Variants in ABCF2 observed in about 807,000 individuals in gnomAD.
ABCF2 encodes the protein ATP binding cassette subfamily F member 2.
In ABCF2, 37 loss-of-function variants were observed where a neutral mutation model predicts 76.9. The observed-to-expected ratio is 0.48, with a 90% CI of 0.37 to 0.63. The LOEUF (loss-of-function observed/expected upper bound fraction) is 0.63, where lower values mean the gene tolerates loss of function less well. ABCF2 is among the 30% of genes least tolerant of loss of function. ABCF2 has a pLI of 0.00. For synonymous variants in ABCF2, 299 were observed against 283.7 expected (o/e 1.05, Z -0.54); for missense variants, 524 against 782.1 (o/e 0.67, Z 3.94).
intron 1 of ABCF2, 22 bp downstream of exon 1, chr7:151,227,141 A>C (rs1802391195): frequency 6.6e-6 from 1 of 151,730 alleles, no homozygotes; most frequent in South Asian, 2.1e-4. Flanking sequence ...CTCTCCCTAC[A>C]GCTCCCCTTC....
rs374548198 is a variant in ABCF2, at chr7:151,214,954, G to A, written c.1659C>T (p.Asp553=). 6.8e-5 allele frequency: 110 copies of A among 1,614,064 alleles called. No individual in the cohort carries two copies. Among genetic ancestry groups the A allele is most frequent in the Admixed American group, 1.2e-4 (7 of 60,006 alleles). The part of the protein sequence containing the change: ...PTNHLDIETI[D]ALADAINEFE... The stretch of plus-strand genomic sequence containing the variant: ...ACTCATTGATGGCATCTGCCAGGGC[G>A]TCGATGGTCTCGATATCCAGGTGAT... Residue 553 remains aspartate (D), a synonymous_variant, in exon 14 of 15, where the codon GAC becomes GAT. Transcript: ENST00000287844. The surrounding 1 kb of genome is among the most constrained non-coding windows in gnomAD (Gnocchi z 4.9).
Position 151,213,661 on chromosome 7 carries a change from G to A in ABCF2, c.*393C>T, listed in dbSNP as rs1318276043. On this transcript the variant is annotated 3_prime_UTR_variant, in exon 15 of 15. Coordinates refer to ENST00000287844, the MANE Select transcript of ABCF2 (RefSeq NM_007189.3). ...AAAGGAATCGGGGCGGTGGGCTGGG[G>A]GGTACTCCTCCAACATCACCAAAAC... 1 of 1,013,682 alleles carries A rather than the reference G, an allele frequency of 9.9e-7. No individual in the cohort carries two copies. Among genetic ancestry groups the A allele is most frequent in the Non-Finnish European group, 1.2e-6 (1 of 849,980 alleles). 62.8% of individuals were successfully genotyped at this position (1,013,682 alleles called of 1,614,324 possible). A position where few individuals can be genotyped will look rare whatever the true frequency, so the allele number is the denominator to read the frequency against.
In ABCF2 at chr7:151,213,496, G is replaced by C. The variant is rs1462828604; in HGVS notation, c.*558C>G. On this transcript the variant is annotated 3_prime_UTR_variant, in exon 15 of 15. Transcript: ENST00000287844. ...GAGAAGGCCCCAGAGACCCGAGAAG[G>C]AAGGTAGGGACCGTGGCTTCCTCTT... The C allele has an allele frequency of 2.0e-5, 20 of 985,758 alleles. No individual in the cohort carries two copies. The highest frequency in any genetic ancestry group is 2.3e-5 in the Non-Finnish European group (19 of 830,296). 61.1% of individuals were successfully genotyped at this position (985,758 alleles called of 1,614,324 possible). A position where few individuals can be genotyped will look rare whatever the true frequency, so the allele number is the denominator to read the frequency against.
At chr7:151,216,138 C>T in intron 11 of ABCF2, 109 bp from the exon 12 acceptor site, 1 of 930,434 alleles carries the variant, frequency 1.1e-6, no homozygotes, top group Non-Finnish European at 1.7e-6. Context: ...GACTCAACTT[C>T]CTAAAAAGAA....
At chr7:151,221,450 C>G in intron 7 of ABCF2, 128 bp downstream of exon 7, 7 of 618,578 alleles carry the variant, frequency 1.1e-5, no homozygotes, top group Non-Finnish European at 1.7e-5. Context: ...GACCCACCCA[C>G]CTCGGCCTCC....
chr7:151,214,364 T>A lies in ABCF2; in HGVS notation c.1735-173A>T, dbSNP rs1353180134. On this transcript the variant is annotated intron_variant, in intron 14 of 14. Transcript: ENST00000287844. This position sits in a 1 kb window ranked among gnomAD's most constrained non-coding sequence, Gnocchi z 4.9. ...ATGTTCTAACCCAAGGGTACCATCA[T>A]CAGGTTTGGAGCCTTCCAAGCCAGG... 6.6e-6 allele frequency among the ~76,000 whole-genome samples: 1 copy of A among 152,174 alleles called. No individual in the cohort carries two copies. Among genetic ancestry groups the A allele is most frequent in the African/African-American group, 2.4e-5 (1 of 41,430 alleles).
chr7:151,223,671 G>T lies in ABCF2; in HGVS notation c.722+7C>A, dbSNP rs1383459058. ...TTATGGGGGTAGGGAAGGAGGGAGG[G>T]ACTCACCTGGCAAGGGCAACCCTCA... On this transcript the variant is annotated splice_region_variant and intron_variant, in intron 5 of 14. Coordinates refer to ENST00000287844, the MANE Select transcript of ABCF2 (RefSeq NM_007189.3). The T allele has an allele frequency of 3.2e-6, 5 of 1,586,142 alleles. No homozygotes were observed. The highest frequency in any genetic ancestry group is 4.3e-6 in the Non-Finnish European group (5 of 1,161,940).
rs570238805 is a variant in ABCF2, at chr7:151,219,179, G to C, written c.922-20C>G. The stretch of plus-strand genomic sequence containing the variant: ...ATTACCCTGCATGGAAATGTGCCAG[G>C]TAAGGCAGGCAGCTTTAACCTGGGT... On this transcript the variant is annotated intron_variant, in intron 7 of 14. Coordinates refer to ENST00000287844, the MANE Select transcript of ABCF2 (RefSeq NM_007189.3). The C allele has an allele frequency of 1.9e-6, 3 of 1,607,908 alleles. No individual in the cohort carries two copies. In the South Asian group the frequency reaches 3.3e-5, roughly 18 times the overall value.
intron 6 of ABCF2, 120 bp from the exon 7 acceptor site, chr7:151,221,800 C>G: frequency 1.4e-6 from 1 of 735,734 alleles, no homozygotes. Context: ...TTGTCCAATT[C>G]CTGGCTGTTA....
chr7:151,224,734 G>T, intron 3 of ABCF2, 42 bp downstream of exon 3: 1 of 1,536,216 alleles, frequency 6.5e-7, no homozygotes, highest in Non-Finnish European at 9.0e-7. Flanking sequence ...TGACAGATGA[G>T]CTAAGGAGAG....
At position 151,226,356 on chromosome 7, in the gene ABCF2, T is replaced by C. The variant is rs1802372158; in HGVS notation, c.103A>G (p.Thr35Ala). 6.2e-7 allele frequency: 1 copy of C among 1,614,056 alleles called. No homozygotes were observed. The highest frequency in any genetic ancestry group is 1.7e-5 in the Admixed American group (1 of 59,996). Residue 35 changes from threonine to alanine, a missense_variant, in exon 2 of 15, where the codon ACA (threonine) becomes GCA (alanine). By Grantham distance (58) the Thr-to-Ala change is moderately conservative. Coordinates refer to ENST00000287844, the MANE Select transcript of ABCF2 (RefSeq NM_007189.3). Reference protein sequence around the residue: ...KGHEENGDVVTEPQVAEKNEA... With the variant: ...KGHEENGDVVAEPQVAEKNEA... ...TTCTTCTCTGCCACCTGTGGTTCTG[T>C]GACAACATCTCCATTTTCTTCATGT... is the stretch of plus-strand genomic sequence containing the variant.
rs923735133 is a variant in ABCF2, at chr7:151,213,028, C to T, written c.*1026G>A. The T allele has an allele frequency of 1.0e-5, 10 of 980,690 alleles. No homozygotes were observed. The highest frequency in any genetic ancestry group is 1.1e-4 in the East Asian group (1 of 8,782). The allele number at this position is 980,690 out of a possible 1,614,324, so 60.7% of individuals were successfully genotyped here. A position where few individuals can be genotyped will look rare whatever the true frequency, so the allele number is the denominator to read the frequency against. The stretch of plus-strand genomic sequence containing the variant: ...ATCCACCTGCCTCAGCCTCCCAAAG[C>T]GCTGGGATTACAGGTGTGAGCCACC... On this transcript the variant is annotated 3_prime_UTR_variant, in exon 15 of 15. Transcript: ENST00000287844.
Position 151,214,090 on chromosome 7 carries a change from C to T in ABCF2, c.1836G>A (p.Glu612=), listed in dbSNP as rs1380293342. 1 of 1,614,142 alleles carries T rather than the reference C, an allele frequency of 6.2e-7. No individual in the cohort carries two copies. The part of the protein sequence containing the change: ...KEHLKSKLVD[E]EPQLTKRTHN... ...GGGTCCTCTTGGTGAGCTGGGGCTC[C>T]TCATCCACCAGCTTGGACTTGAGGT... is the stretch of plus-strand genomic sequence containing the variant. The change falls in exon 15 of 15, where the codon GAG becomes GAA. Residue 612 remains glutamate, a synonymous_variant. Transcript: ENST00000287844. This position sits in a 1 kb window ranked among gnomAD's most constrained non-coding sequence, Gnocchi z 4.9.
rs780483481 is a variant in ABCF2, at chr7:151,214,969, A to G, written c.1644T>C (p.Asp548=). Residue 548 remains aspartate (D), a synonymous_variant, in exon 14 of 15, where the codon GAT becomes GAC. Coordinates refer to ENST00000287844, the MANE Select transcript of ABCF2 (RefSeq NM_007189.3). The surrounding 1 kb of genome is among the most constrained non-coding windows in gnomAD (Gnocchi z 4.9). ...CTGCCAGGGCGTCGATGGTCTCGAT[A>G]TCCAGGTGATTGGTGGGTTCATCCA... ...LFLDEPTNHL[D]IETIDALADA... 1.2e-6 allele frequency: 2 copies of G among 1,614,188 alleles called. No individual in the cohort carries two copies. The highest frequency in any genetic ancestry group is 1.7e-6 in the Non-Finnish European group (2 of 1,180,038).
rs977037052 is a variant in ABCF2 at position 151,213,134 on chromosome 7, G to A, written c.*920C>T. The A allele has an allele frequency of 1.1e-5, 11 of 985,236 alleles. No homozygotes were observed. The highest frequency in any genetic ancestry group is 4.7e-5 in the South Asian group (1 of 21,286). 61.0% of individuals were successfully genotyped at this position (985,236 alleles called of 1,614,324 possible). On this transcript the variant is annotated 3_prime_UTR_variant, in exon 15 of 15. Transcript: ENST00000287844. Reference sequence around the variant, plus strand: ...CCTCAGATCACAATCAGAAAACCACGCTCCTGGACAGTGGTTCTCAAAATA... The same window carrying A: ...CCTCAGATCACAATCAGAAAACCACACTCCTGGACAGTGGTTCTCAAAATA...
intron 7 of ABCF2, among the ~76,000 whole-genome samples, chr7:151,220,572 T>C (rs1404374340): frequency 6.6e-6 from 1 of 152,110 alleles, no homozygotes; most frequent in African/African-American, 2.4e-5. Context: ...TTTTGAAATA[T>C]AAAATGAAAA....
rs1802344964 is a variant in ABCF2 at position 151,224,995 on chromosome 7, A to G, written c.155-7T>C. On this transcript the variant is annotated splice_region_variant and splice_polypyrimidine_tract_variant and intron_variant, in intron 2 of 14. Coordinates refer to ENST00000287844, the MANE Select transcript of ABCF2 (RefSeq NM_007189.3). ...TTGGTCAGCAAATCTACTTCTGCGGATAGAAAAGCAGTTTGGGAAGATGGC... is the reference window on the plus strand; with the variant it reads ...TTGGTCAGCAAATCTACTTCTGCGGGTAGAAAAGCAGTTTGGGAAGATGGC... 17 of 1,613,548 alleles carry G rather than the reference A, an allele frequency of 1.1e-5. No individual in the cohort carries two copies. The highest frequency in any genetic ancestry group is 1.7e-5 in the Admixed American group (1 of 60,020).
At chr7:151,219,501 C>A (rs1208292802) in intron 7 of ABCF2, among the ~76,000 whole-genome samples, 1 of 152,166 alleles carries the variant, frequency 6.6e-6, no homozygotes, top group South Asian at 2.1e-4. Context: ...TATTCCTTCC[C>A]CGTTCCCTAG....
At chr7:151,224,431 A>C (rs564446386) in intron 3 of ABCF2, among the ~76,000 whole-genome samples, 36 of 152,266 alleles carry the variant, frequency 2.4e-4, no homozygotes, top group African/African-American at 8.4e-4. Context: ...GAAAATCCAA[A>C]ATGCTCCAAA....
Sources: allele counts gnomAD v4.1 joint callset (sites outside exome capture counted in the v4.1 genomes callset), GRCh38; gene constraint gnomAD v4.1.1; non-coding constraint Gnocchi (gnomAD v3.1); transcripts MANE v1.5; gene names NCBI Gene and HGNC (gene_info 2026-07-23, HGNC 2026-07-21).